The following SCFD1 variants were observed in gnomAD, a reference collection of about 807,000 sequenced individuals.
The protein encoded by SCFD1 is sec1 family domain containing 1.
SCFD1 carries 37 observed loss-of-function variants against 103.2 expected under a neutral mutation model. The observed-to-expected ratio is 0.36, with a 90% confidence interval of 0.28 to 0.47. SCFD1 has a LOEUF of 0.47. SCFD1 is among the 20% of genes least tolerant of loss of function. The pLI, the probability that SCFD1 is intolerant of heterozygous loss-of-function variation, is 1.00. For synonymous variants in SCFD1, 264 were observed against 245.0 expected (o/e 1.08, Z -0.73); for missense variants, 639 against 761.2 (o/e 0.84, Z 1.89).
rs562074436 is a variant in SCFD1, at chr14:30,729,975, G to A, written c.1837-4815G>A. ...CTGCGCCCATTAACTCATCGTTTAC[G>A]TTAGGTATATCTCCTAATGCTTTCT... On this transcript the variant is annotated intron_variant, in intron 23 of 24. Coordinates refer to ENST00000458591, the MANE Select transcript of SCFD1 (RefSeq NM_016106.4). 6.6e-5 allele frequency among the ~76,000 whole-genome samples: 10 copies of A among 151,956 alleles called. No individual in the cohort carries two copies. In the East Asian group the frequency reaches 1.4e-3, roughly 21 times the overall value.
chr14:30,702,189 A>G (rs1481827441), intron 16 of SCFD1, 107 bp from the exon 17 acceptor site: 7 of 691,172 alleles, frequency 1.0e-5, no homozygotes, highest in Non-Finnish European at 1.7e-5. Context: ...GGTGCCAAGA[A>G]TTTAAACTCA....
intron 10 of SCFD1, among the ~76,000 whole-genome samples, chr14:30,655,528 A>G (rs1050098298): frequency 6.6e-6 from 1 of 152,216 alleles, no homozygotes; most frequent in Non-Finnish European, 1.5e-5. Context: ...TAGCTGTTAT[A>G]CTGAAAATGG....
At chr14:30,732,914 T>C (rs1318643684) in intron 23 of SCFD1, among the ~76,000 whole-genome samples, 1 of 152,316 alleles carries the variant, frequency 6.6e-6, no homozygotes, top group African/African-American at 2.4e-5. Context: ...AGGTATTCTC[T>C]TGATGGAAGG....
chr14:30,644,209 A>G (rs116124720), intron 7 of SCFD1, among the ~76,000 whole-genome samples: 3,817 of 152,304 alleles, frequency 0.025, 67 homozygotes, highest in Middle Eastern at 0.034. Flanking sequence ...TAAGTATTCC[A>G]TGATGTATGT....
chr14:30,643,125 A>T (rs1885451674), intron 6 of SCFD1, among the ~76,000 whole-genome samples, 191 bp from the exon 7 acceptor site: 1 of 152,162 alleles, frequency 6.6e-6, no homozygotes, highest in Admixed American at 6.5e-5. Context: ...GTAAGCCGTG[A>T]TCATGTCTCT....
intron 7 of SCFD1, among the ~76,000 whole-genome samples, chr14:30,646,272 C>G (rs535192402): frequency 6.6e-6 from 1 of 152,162 alleles, no homozygotes; most frequent in Non-Finnish European, 1.5e-5. Flanking sequence ...CCACCTGCCT[C>G]GGCCTCCCAA....
chr14:30,667,814 A>G (rs1888145123), intron 10 of SCFD1, among the ~76,000 whole-genome samples: 1 of 152,232 alleles, frequency 6.6e-6, no homozygotes, highest in South Asian at 2.1e-4. Context: ...TGCTACAAAG[A>G]GAATAAAATA....
At chr14:30,680,584 T>G (rs1889391851) in intron 14 of SCFD1, among the ~76,000 whole-genome samples, 1 of 152,210 alleles carries the variant, frequency 6.6e-6, no homozygotes, top group African/African-American at 2.4e-5. Flanking sequence ...TGGTTTGCTC[T>G]TTTGTAATCC....
chr14:30,638,281 C>A, intron 5 of SCFD1, 34 bp downstream of exon 5: 2 of 1,611,830 alleles, frequency 1.2e-6, no homozygotes, highest in South Asian at 2.2e-5. Flanking sequence ...GACATTTTGT[C>A]AATGTAAAAT....
intron 23 of SCFD1, among the ~76,000 whole-genome samples, chr14:30,733,404 C>T (rs1893621077): frequency 1.3e-5 from 2 of 152,284 alleles, no homozygotes; most frequent in South Asian, 4.1e-4. Context: ...TGGTAAACTA[C>T]AGTGTTTCTT....
In SCFD1 at chr14:30,670,339, C is replaced by T. The variant is rs1370318196; in HGVS notation, c.939C>T (p.Asn313=). The T allele has an allele frequency of 1.3e-6, 2 of 1,591,634 alleles. No homozygotes were observed. Among genetic ancestry groups the T allele is most frequent in the South Asian group, 1.2e-5 (1 of 86,784 alleles). Residue 313 remains asparagine (N), a synonymous_variant, in exon 11 of 25, where the codon AAC becomes AAT. Coordinates refer to ENST00000458591, the MANE Select transcript of SCFD1 (RefSeq NM_016106.4). The part of the protein sequence containing the change: ...SPAGARPKRK[N]KKSYDLTPVD... ...CTGGTGCTAGACCAAAGAGAAAAAA[C>T]AAGAAGTCTTATGATTTAACTCCGG...
chr14:30,627,504 T>C (rs1011622306), intron 1 of SCFD1, among the ~76,000 whole-genome samples: 1 of 152,112 alleles, frequency 6.6e-6, no homozygotes, highest in Non-Finnish European at 1.5e-5. Context: ...CCCAGCACTT[T>C]GGGAGGCCAA....
At chr14:30,634,187 G>A in intron 4 of SCFD1, 150 bp downstream of exon 4, 1 of 573,540 alleles carries the variant, frequency 1.7e-6, no homozygotes, top group Non-Finnish European at 3.1e-6. Context: ...ATTCCAAATA[G>A]CCTGAAAGAC....
intron 14 of SCFD1, chr14:30,676,745 AG>A (rs1889066134): frequency 1.3e-5 from 2 of 152,164 alleles, no homozygotes; most frequent in South Asian, 4.1e-4. Flanking sequence ...AACTCATTAG[AG>A]GTTAATGACA....
In SCFD1 at chr14:30,702,351, CT is replaced by C. The variant is rs1891138552; in HGVS notation, c.1469del (p.Leu490TyrfsTer35). 1 of 1,592,216 alleles carries C rather than the reference CT, an allele frequency of 6.3e-7. No homozygotes were observed. Among genetic ancestry groups the C allele is most frequent in the Admixed American group, 1.7e-5 (1 of 58,104 alleles). Reference protein sequence around the residue: ...ALTDAGCNLNPLQYIKQWKAF... With the variant: ...ALTDAGCNLNXLQYIKQWKAF... ...ACTGATGCAGGATGCAACCTTAATCCTTTACAATATATCAAACAGTGGAAGT... is the reference window on the plus strand; with the variant it reads ...ACTGATGCAGGATGCAACCTTAATCCTTACAATATATCAAACAGTGGAAGT... On this transcript the variant is annotated frameshift_variant, in exon 17 of 25. Transcript: ENST00000458591. LOFTEE classifies it high-confidence loss of function.
chr14:30,734,923 AAGAG>A (rs1893731317), intron 24 of SCFD1, 65 bp downstream of exon 24: 1 of 1,328,792 alleles, frequency 7.5e-7, no homozygotes, highest in African/African-American at 1.5e-5. Flanking sequence ...TATTTTTCAA[AAGAG>A]AGAAAGAAAA....
intron 17 of SCFD1, among the ~76,000 whole-genome samples, chr14:30,703,670 T>TA: frequency 6.6e-6 from 1 of 151,192 alleles, no homozygotes; most frequent in Non-Finnish European, 1.5e-5. Flanking sequence ...TAACAGTAGT[T>TA]ATCTCTTGAG....
At chr14:30,717,640 C>G (rs904462227) in intron 20 of SCFD1, among the ~76,000 whole-genome samples, 14 of 151,952 alleles carry the variant, frequency 9.2e-5, no homozygotes, top group African/African-American at 3.1e-4. Flanking sequence ...GCCTGTAATC[C>G]TAGCACTTTG....
intron 14 of SCFD1, among the ~76,000 whole-genome samples, chr14:30,684,275 A>G (rs1889743950): frequency 6.6e-6 from 1 of 152,298 alleles, no homozygotes; most frequent in African/African-American, 2.4e-5. Flanking sequence ...CTTCCTGAAT[A>G]GCTGGGATTA....
Sources: gnomAD v4.1 joint callset for allele counts (sites outside exome capture counted in the v4.1 genomes callset) on GRCh38, gnomAD v4.1.1 for gene constraint, MANE v1.5 for transcripts, NCBI Gene and HGNC (gene_info 2026-07-23, HGNC 2026-07-21) for gene names.